The following AKAP6 variants were observed in gnomAD, a reference collection of about 807,000 sequenced individuals.
The protein encoded by AKAP6 is A-kinase anchoring protein 6.
AKAP6 carries 58 observed loss-of-function variants against 188.5 expected under a neutral mutation model. The ratio of observed to expected loss-of-function variants is 0.31; its 90% CI spans 0.25 to 0.38. AKAP6 has a LOEUF of 0.38. AKAP6 is among the 10% of genes least tolerant of loss of function. The probability of loss-of-function intolerance (pLI) is 1.00; values close to 1 mark genes in which losing one functional copy is unlikely to be tolerated. For missense variants in AKAP6, 2,710 were observed against 2,740.0 expected (o/e 0.99, Z 0.24); for synonymous variants, 989 against 998.6 (o/e 0.99, Z 0.18).
intron 2 of AKAP6, among the ~76,000 whole-genome samples, chr14:32,443,454 A>C (rs1177147789): frequency 6.6e-6 from 1 of 152,102 alleles, no homozygotes; most frequent in East Asian, 1.9e-4. Context: ...CTCATTGCCC[A>C]GGCCATGTTC....
chr14:32,736,328 C>T (rs978574957), intron 11 of AKAP6, among the ~76,000 whole-genome samples: 6 of 152,070 alleles, frequency 3.9e-5, no homozygotes, highest in African/African-American at 1.4e-4. Context: ...ATGAAAGAGT[C>T]AACTATTTAT....
At chr14:32,628,757 A>AT (rs893965905) in intron 7 of AKAP6, among the ~76,000 whole-genome samples, 10 of 151,388 alleles carry the variant, frequency 6.6e-5, no homozygotes, top group East Asian at 1.9e-4. Context: ...AAAACACCAG[A>AT]TTTTTTTTTC....
At chr14:32,612,364 T>A (rs774400002) in intron 7 of AKAP6, among the ~76,000 whole-genome samples, 1 of 152,128 alleles carries the variant, frequency 6.6e-6, no homozygotes, top group Non-Finnish European at 1.5e-5. Flanking sequence ...TTTAGTAAAT[T>A]TTGTTTGATT....
intron 1 of AKAP6, among the ~76,000 whole-genome samples, chr14:32,355,423 T>C (rs1261700076): frequency 7.4e-6 from 1 of 134,948 alleles, no homozygotes; most frequent in Non-Finnish European, 1.6e-5. Context: ...TTGGTCTTGT[T>C]CTCATCCCAG....
At chr14:32,493,060 AG>A (rs1880119246) in intron 2 of AKAP6, among the ~76,000 whole-genome samples, 1 of 152,138 alleles carries the variant, frequency 6.6e-6, no homozygotes, top group Non-Finnish European at 1.5e-5. Context: ...CTGGAGAAAA[AG>A]GGTAACTGTT....
chr14:32,405,341 T>C (rs1042416365), intron 1 of AKAP6, among the ~76,000 whole-genome samples: 1 of 152,132 alleles, frequency 6.6e-6, no homozygotes, highest in Non-Finnish European at 1.5e-5. Context: ...ACCCCTCCCC[T>C]TGCTTGTACA....
intron 1 of AKAP6, among the ~76,000 whole-genome samples, chr14:32,359,258 TC>T (rs1232101387): frequency 1.3e-5 from 2 of 152,266 alleles, no homozygotes; most frequent in African/African-American, 4.8e-5. Context: ...AAAAAGTTGG[TC>T]TTTAAAAATG....
At chr14:32,598,569 T>C (rs1391440095) in intron 5 of AKAP6, among the ~76,000 whole-genome samples, 1 of 152,184 alleles carries the variant, frequency 6.6e-6, no homozygotes, top group African/African-American at 2.4e-5. Flanking sequence ...GAATTGGAGA[T>C]AAATGTAAAA....
At chr14:32,824,957 C>G (rs1026597331) in intron 13 of AKAP6, 142 bp downstream of exon 13, 6 of 532,456 alleles carry the variant, frequency 1.1e-5, no homozygotes, top group Non-Finnish European at 1.2e-5. Context: ...AAGAAATGCT[C>G]TCAACAATGA....
At chr14:32,384,713 A>C (rs1266771829) in intron 1 of AKAP6, among the ~76,000 whole-genome samples, 4 of 152,204 alleles carry the variant, frequency 2.6e-5, no homozygotes, top group African/African-American at 9.6e-5. Flanking sequence ...TCCACCCTTC[A>C]ATGAGCTCCC....
At chr14:32,650,978 A>G (rs1272089971) in intron 7 of AKAP6, among the ~76,000 whole-genome samples, 1 of 152,184 alleles carries the variant, frequency 6.6e-6, no homozygotes, top group Non-Finnish European at 1.5e-5. Flanking sequence ...GGTAAGACAT[A>G]TGAAGGAAAA....
intron 12 of AKAP6, among the ~76,000 whole-genome samples, chr14:32,777,789 G>C (rs181919942): frequency 6.6e-6 from 1 of 152,300 alleles, no homozygotes. Flanking sequence ...TGTAATTCCA[G>C]CACTTTGGTA....
chr14:32,820,994 G>A (rs1156897622), intron 12 of AKAP6, among the ~76,000 whole-genome samples: 1 of 151,252 alleles, frequency 6.6e-6, no homozygotes, highest in East Asian at 1.9e-4. Flanking sequence ...ATTCTACTAT[G>A]GACTCCAGAA....
intron 2 of AKAP6, among the ~76,000 whole-genome samples, chr14:32,494,603 A>G (rs1255422969): frequency 6.6e-6 from 1 of 152,096 alleles, no homozygotes; most frequent in Admixed American, 6.6e-5. Flanking sequence ...AGTATTCTTT[A>G]TAGGATTCTG....
At chr14:32,494,875 A>T (rs994322814) in intron 2 of AKAP6, among the ~76,000 whole-genome samples, 23 of 152,170 alleles carry the variant, frequency 1.5e-4, no homozygotes, top group African/African-American at 5.3e-4. Flanking sequence ...AAAGTAAACT[A>T]CACCCCATGT....
intron 12 of AKAP6, among the ~76,000 whole-genome samples, chr14:32,776,626 G>A (rs558461061): frequency 2.0e-5 from 3 of 152,326 alleles, no homozygotes; most frequent in Admixed American, 2.0e-4. Context: ...ATGAGTACAT[G>A]TGTTCATTTA....
chr14:32,697,556 T>C (rs1890454424), intron 9 of AKAP6, among the ~76,000 whole-genome samples: 1 of 152,150 alleles, frequency 6.6e-6, no homozygotes, highest in Non-Finnish European at 1.5e-5. Context: ...AAATATTTTA[T>C]CCCTAAGACT....
chr14:32,802,572 A>C (rs2033979071), intron 12 of AKAP6, among the ~76,000 whole-genome samples: 2 of 152,242 alleles, frequency 1.3e-5, no homozygotes, highest in Admixed American at 1.3e-4. Context: ...TTGCAAATTC[A>C]CATAATCTTT....
intron 1 of AKAP6, among the ~76,000 whole-genome samples, chr14:32,360,980 C>T (rs978201847): frequency 6.6e-5 from 10 of 150,968 alleles, no homozygotes; most frequent in African/African-American, 2.2e-4. Context: ...AACTCCTGGG[C>T]TCAAGTGATC....
Sources: gnomAD v4.1 joint callset for allele counts (sites outside exome capture counted in the v4.1 genomes callset) on GRCh38, gnomAD v4.1.1 for gene constraint, MANE v1.5 for transcripts, NCBI Gene and HGNC (gene_info 2026-07-23, HGNC 2026-07-21) for gene names.